Variants in KCTD16 observed in about 807,000 individuals in gnomAD.
The protein encoded by KCTD16 is potassium channel tetramerization domain containing 16, also known as BTB/POZ domain-containing protein KCTD16.
In KCTD16, 13 loss-of-function variants were observed where a neutral mutation model predicts 33.2. The ratio of observed to expected loss-of-function variants is 0.39; its 90% CI spans 0.25 to 0.62. KCTD16 has a LOEUF of 0.62. Ranked by LOEUF, KCTD16 falls within the 20% of genes least tolerant of loss-of-function variation. KCTD16 has a pLI of 0.50. For missense variants in KCTD16, 441 were observed against 525.1 expected (o/e 0.84, Z 1.57); for synonymous variants, 197 against 195.3 (o/e 1.01, Z -0.07).
intron 3 of KCTD16, among the ~76,000 whole-genome samples, chr5:144,245,751 C>G (rs1000585161): frequency 6.6e-6 from 1 of 151,942 alleles, no homozygotes; most frequent in Admixed American, 6.6e-5. Flanking sequence ...GTAGTACTTC[C>G]CCCTCCTCTC....
intron 3 of KCTD16, among the ~76,000 whole-genome samples, chr5:144,217,792 T>C (rs772469225): frequency 5.9e-5 from 9 of 152,090 alleles, no homozygotes; most frequent in Admixed American, 5.2e-4. Context: ...ACTTCATTGA[T>C]TGGAAACTGC....
chr5:144,424,443 A>G (rs1753278420), intron 3 of KCTD16, among the ~76,000 whole-genome samples: 1 of 152,160 alleles, frequency 6.6e-6, no homozygotes, highest in Non-Finnish European at 1.5e-5. Context: ...CAATCCACTG[A>G]TGGCTTCCCA....
intron 3 of KCTD16, among the ~76,000 whole-genome samples, chr5:144,349,701 C>G (rs1350894697): frequency 6.6e-6 from 1 of 152,166 alleles, no homozygotes; most frequent in East Asian, 1.9e-4. Context: ...CTGGGCCTTT[C>G]CCATCTGTCA....
At chr5:144,283,061 T>G (rs1755649807) in intron 3 of KCTD16, among the ~76,000 whole-genome samples, 1 of 152,208 alleles carries the variant, frequency 6.6e-6, no homozygotes, top group Admixed American at 6.5e-5. Flanking sequence ...TTCTTTTTTT[T>G]ATTATACTTT....
At chr5:144,291,785 A>G (rs1755902397) in intron 3 of KCTD16, among the ~76,000 whole-genome samples, 1 of 152,202 alleles carries the variant, frequency 6.6e-6, no homozygotes, top group Non-Finnish European at 1.5e-5. Context: ...CTACTATCTT[A>G]AATTACACAT....
At chr5:144,257,592 C>G (rs1360120047) in intron 3 of KCTD16, among the ~76,000 whole-genome samples, 3 of 151,964 alleles carry the variant, frequency 2.0e-5, no homozygotes, top group Non-Finnish European at 2.9e-5. Flanking sequence ...GGGTTCACGC[C>G]ATTCTCCTGC....
intron 3 of KCTD16, among the ~76,000 whole-genome samples, chr5:144,260,766 T>C (rs1024198796): frequency 2.0e-5 from 3 of 152,200 alleles, no homozygotes; most frequent in African/African-American, 7.2e-5. Context: ...TGTTTGTTTT[T>C]TTAAAGCTTG....
At chr5:144,205,278 C>G (rs1019092768) in intron 2 of KCTD16, 14 of 335,164 alleles carry the variant, frequency 4.2e-5, no homozygotes, top group African/African-American at 2.8e-4. Flanking sequence ...AACCTGTCAC[C>G]GAGGAGGACG....
At chr5:144,431,944 T>C (rs1390158623) in intron 3 of KCTD16, among the ~76,000 whole-genome samples, 2 of 152,146 alleles carry the variant, frequency 1.3e-5, no homozygotes, top group East Asian at 3.9e-4. Context: ...CACAACTAAA[T>C]TTCCTCTATG....
intron 3 of KCTD16, among the ~76,000 whole-genome samples, chr5:144,450,189 T>C (rs1753909301): frequency 6.6e-6 from 1 of 151,928 alleles, no homozygotes; most frequent in African/African-American, 2.4e-5. Context: ...CCACCGGGTA[T>C]ATAAAAAGGC....
At chr5:144,409,404 C>A (rs184168944) in intron 3 of KCTD16, among the ~76,000 whole-genome samples, 32 of 152,156 alleles carry the variant, frequency 2.1e-4, no homozygotes, top group African/African-American at 7.2e-4. Flanking sequence ...ACTGACTGAA[C>A]CTTTGACATA....
chr5:144,227,896 G>A lies in KCTD16; in HGVS notation c.832+20350G>A, dbSNP rs117870443. Among the ~76,000 whole-genome samples, 23 of 152,308 alleles carry A rather than the reference G, an allele frequency of 1.5e-4. 1 individual carries two copies. In the East Asian group the frequency reaches 4.4e-3, roughly 29 times the overall value. On this transcript the variant is annotated intron_variant, in intron 3 of 3. Transcript: ENST00000512467. ...CAAGAATTTTAGCTTAAGCAATTTG[G>A]AAGAATGGAGTTACTGCTAATCAAG...
chr5:144,207,449 C>T lies in KCTD16; in HGVS notation c.735C>T (p.Phe245=). 1 of 1,614,182 alleles carries T rather than the reference C, an allele frequency of 6.2e-7. No homozygotes were observed. Among genetic ancestry groups the T allele is most frequent in the South Asian group, 1.1e-5 (1 of 91,088 alleles). Residue 245 remains phenylalanine (F), a synonymous_variant, in exon 3 of 4, where the codon TTC becomes TTT. Transcript: ENST00000512467. The part of the protein sequence containing the change: ...RAFDMLSECG[F]HMVACNSSVT... ...TTGATATGTTGTCAGAGTGTGGATTCCACATGGTGGCCTGTAACTCATCGG... is the reference window on the plus strand; with the variant it reads ...TTGATATGTTGTCAGAGTGTGGATTTCACATGGTGGCCTGTAACTCATCGG...
chr5:144,351,281 C>T (rs1037901810), intron 3 of KCTD16, among the ~76,000 whole-genome samples: 1 of 152,054 alleles, frequency 6.6e-6, no homozygotes, highest in Non-Finnish European at 1.5e-5. Context: ...TAATAAGGAG[C>T]CAGCCACTGT....
chr5:144,210,200 A>G (rs1369816057), intron 3 of KCTD16, among the ~76,000 whole-genome samples: 3 of 152,058 alleles, frequency 2.0e-5, no homozygotes, highest in East Asian at 1.9e-4. Flanking sequence ...TTAAATTTTC[A>G]TGTGGACCTA....
chr5:144,177,280 G>A (rs1752528450), intron 2 of KCTD16, among the ~76,000 whole-genome samples: 1 of 152,176 alleles, frequency 6.6e-6, no homozygotes, highest in South Asian at 2.1e-4. Flanking sequence ...GAAATTATTG[G>A]TAAGAAGGAA....
intron 3 of KCTD16, among the ~76,000 whole-genome samples, chr5:144,321,321 G>A (rs1220885986): frequency 6.6e-6 from 1 of 152,298 alleles, no homozygotes; most frequent in Non-Finnish European, 1.5e-5. Flanking sequence ...TGTTAAAAAT[G>A]TGTATTCCTA....
intron 3 of KCTD16, among the ~76,000 whole-genome samples, chr5:144,443,813 TTATTTTATTTTTACACAG>T (rs1406805012): frequency 2.6e-5 from 4 of 152,136 alleles, no homozygotes; most frequent in Admixed American, 2.6e-4. Flanking sequence ...TATAGCTGTC[TTATTTTATTTTTACACAG>T]TAAGTGAATA....
intron 2 of KCTD16, among the ~76,000 whole-genome samples, chr5:144,178,555 GTTT>G (rs1238930216): frequency 6.6e-6 from 1 of 150,970 alleles, no homozygotes. Context: ...CAGTCAAGAT[GTTT>G]TTTATTATTC....
Sources: allele counts gnomAD v4.1 joint callset (sites outside exome capture counted in the v4.1 genomes callset), GRCh38; gene constraint gnomAD v4.1.1; transcripts MANE v1.5; gene names NCBI Gene and HGNC (gene_info 2026-07-23, HGNC 2026-07-21).